ADRA1A: variants seen among roughly 807,000 people sequenced by gnomAD.
ADRA1A encodes adrenoceptor alpha 1A, also known as alpha-1A adrenergic receptor.
In ADRA1A, 31 loss-of-function variants were observed where a neutral mutation model predicts 29.6. That is an observed-to-expected ratio of 1.05 (90% CI 0.79 to 1.41). ADRA1A has a LOEUF of 1.41. Ranked by LOEUF, ADRA1A falls within the 40% of genes most tolerant of loss-of-function variation. ADRA1A has a pLI of 0.00. For synonymous variants in ADRA1A, 311 were observed against 254.3 expected (o/e 1.22, Z -2.12); for missense variants, 619 against 601.1 (o/e 1.03, Z -0.31).
chr8:26,761,351 G>A (rs1419543250), downstream of ADRA1A, among the ~76,000 whole-genome samples: 1 of 152,132 alleles, frequency 6.6e-6, no homozygotes, highest in Non-Finnish European at 1.5e-5. Flanking sequence ...GAGTGAGGAG[G>A]GAGTCCTTGT....
intron 2 of ADRA1A, among the ~76,000 whole-genome samples, chr8:26,820,582 C>T (rs1810092719): frequency 6.6e-6 from 1 of 152,138 alleles, no homozygotes; most frequent in Non-Finnish European, 1.5e-5. Flanking sequence ...TTCCCCATGA[C>T]ATAGACTGAG....
rs538186600 is a variant in ADRA1A, at chr8:26,805,497, C to T, written c.884-34831G>A. Among the ~76,000 whole-genome samples, 2 of 152,320 alleles carry T rather than the reference C, an allele frequency of 1.3e-5. No homozygotes were observed. Among genetic ancestry groups the T allele is most frequent in the South Asian group, 2.1e-4 (1 of 4,822 alleles). ...CTGCGTGTCCACTCTATGCCCAGTA[C>T]TTTCGAAACGCTTTCCATATATTAG... is the stretch of plus-strand genomic sequence containing the variant. On this transcript the variant is annotated intron_variant, in intron 2 of 2. Transcript: ENST00000380573. The surrounding 1 kb of genome is among the most constrained non-coding windows in gnomAD (Gnocchi z 4.8).
chr8:26,859,162 C>T (rs757750160), intron 2 of ADRA1A: 2 of 1,290,158 alleles, frequency 1.6e-6, no homozygotes, highest in Non-Finnish European at 2.0e-6. Context: ...AGACCGACAG[C>T]CCTTTTCTCC....
chr8:26,851,920 T>A (rs533398235), intron 2 of ADRA1A, among the ~76,000 whole-genome samples: 1 of 152,300 alleles, frequency 6.6e-6, no homozygotes, highest in Non-Finnish European at 1.5e-5. Context: ...CCACTATTAA[T>A]GTTTAGTTAA....
intron 2 of ADRA1A, among the ~76,000 whole-genome samples, chr8:26,781,979 G>A (rs1421201881): frequency 6.6e-6 from 1 of 152,194 alleles, no homozygotes; most frequent in Non-Finnish European, 1.5e-5. Flanking sequence ...TTTTGCTTCC[G>A]GACTGCTGCA....
chr8:26,780,424 G>T (rs181180972), intron 2 of ADRA1A, among the ~76,000 whole-genome samples: 1 of 152,242 alleles, frequency 6.6e-6, no homozygotes, highest in East Asian at 1.9e-4. Context: ...AGCTCCTGTG[G>T]CTGTTTTCTG....
At position 26,865,042 on chromosome 8, in the gene ADRA1A, G is replaced by C; in HGVS notation, c.-73C>G. ...CGGGCTGGCGCGGAGGCGGGAGCGC[G>C]GGAGCCGGGAATCAAAAGGTCTCGG... On this transcript the variant is annotated 5_prime_UTR_variant, in exon 2 of 3. Coordinates refer to ENST00000380573, the MANE Select transcript of ADRA1A (RefSeq NM_000680.4). The surrounding 1 kb of genome is among the most constrained non-coding windows in gnomAD (Gnocchi z 7.6). The C allele has an allele frequency of 4.6e-6, 7 of 1,518,284 alleles. No homozygotes were observed. The Admixed American group carries it at 1.0e-4, about 23-fold the overall frequency. The allele number at this position is 1,518,284 out of a possible 1,614,324, so 94.1% of individuals were successfully genotyped here.
At chr8:26,770,727 G>C in intron 2 of ADRA1A, 61 bp from the exon 3 acceptor site, 1 of 1,522,898 alleles carries the variant, frequency 6.6e-7, no homozygotes, top group Non-Finnish European at 8.8e-7. Flanking sequence ...AATTGGCTAG[G>C]AAAACAATCA....
At chr8:26,813,514 A>C (rs1042503812) in intron 2 of ADRA1A, among the ~76,000 whole-genome samples, 2 of 151,028 alleles carry the variant, frequency 1.3e-5, no homozygotes, top group African/African-American at 4.9e-5. Flanking sequence ...CCATCCATCC[A>C]TCCATCCATC....
At chr8:26,767,298 G>A (rs1805843347), downstream of ADRA1A, among the ~76,000 whole-genome samples, 1 of 152,144 alleles carries the variant, frequency 6.6e-6, no homozygotes, top group African/African-American at 2.4e-5. Context: ...CAGTAAACAT[G>A]TGAGTATAAA....
chr8:26,780,362 G>A (rs966093025), intron 2 of ADRA1A, among the ~76,000 whole-genome samples: 22 of 152,092 alleles, frequency 1.4e-4, no homozygotes, highest in Admixed American at 7.2e-4. Flanking sequence ...TCTTCCTGCC[G>A]CAGTAGACTT....
chr8:26,770,100 TG>T lies in ADRA1A; in HGVS notation c.*48del. On this transcript the variant is annotated 3_prime_UTR_variant, in exon 3 of 3. Coordinates refer to ENST00000380573, the MANE Select transcript of ADRA1A (RefSeq NM_000680.4). ...AAGAGCTGGCCTTCCGAGAAGGAAG[TG>T]GGGTGGGTACCTAAGATTATTCCCC... 5.3e-6 allele frequency: 8 copies of T among 1,514,230 alleles called. No individual in the cohort carries two copies. The highest frequency in any genetic ancestry group is 7.1e-6 in the Non-Finnish European group (8 of 1,132,238). 93.8% of individuals were successfully genotyped at this position (1,514,230 alleles called of 1,614,324 possible).
At position 26,775,958 on chromosome 8, in the gene ADRA1A, T is replaced by C. The variant is rs1299925106; in HGVS notation, c.884-5292A>G. ...GTCTTTCCACTGAATGCTATATCCA[T>C]TGGGAAAATCTGACTTCATTTTTGA... On this transcript the variant is annotated intron_variant, in intron 2 of 2. Coordinates refer to ENST00000380573, the MANE Select transcript of ADRA1A (RefSeq NM_000680.4). The surrounding 1 kb of genome is among the most constrained non-coding windows in gnomAD (Gnocchi z 4.1). 1.3e-5 allele frequency among the ~76,000 whole-genome samples: 2 copies of C among 152,206 alleles called. No homozygotes were observed. Among genetic ancestry groups the C allele is most frequent in the Non-Finnish European group, 2.9e-5 (2 of 68,032 alleles).
At chr8:26,854,473 G>A (rs544104) in intron 2 of ADRA1A, 35,621 of 149,004 alleles carry the variant, frequency 0.24, 4,705 homozygotes, top group Non-Finnish European at 0.3. Flanking sequence ...CATTCTGGGT[G>A]TAGTCAGTCC....
rs1173700751 is a variant in ADRA1A at position 26,860,160 on chromosome 8, A to C, written c.883+3927T>G. Among the ~76,000 whole-genome samples the C allele has an allele frequency of 6.6e-6, 1 of 151,726 alleles. No individual in the cohort carries two copies. Among genetic ancestry groups the C allele is most frequent in the Non-Finnish European group, 1.5e-5 (1 of 67,964 alleles). On this transcript the variant is annotated intron_variant, in intron 2 of 2. Coordinates refer to ENST00000380573, the MANE Select transcript of ADRA1A (RefSeq NM_000680.4). This position sits in a 1 kb window ranked among gnomAD's most constrained non-coding sequence, Gnocchi z 4.7. ...CAACATCTTCTCCTCCACACTGCTG[A>C]CTCCCTGGGAGAGCAAATCCAAGAG...
At chr8:26,751,432 T>G (rs1424395559), downstream of ADRA1A, among the ~76,000 whole-genome samples, 1 of 152,220 alleles carries the variant, frequency 6.6e-6, no homozygotes, top group Non-Finnish European at 1.5e-5. Context: ...GATTTGGCAT[T>G]AAGAGGCCTT....
chr8:26,788,447 A>C (rs1393871699), intron 2 of ADRA1A, among the ~76,000 whole-genome samples: 1 of 152,172 alleles, frequency 6.6e-6, no homozygotes, highest in Non-Finnish European at 1.5e-5. Flanking sequence ...GAGTTAGAGA[A>C]GTTTTTAAGT....
intron 2 of ADRA1A, among the ~76,000 whole-genome samples, chr8:26,844,126 T>C (rs904166558): frequency 6.6e-6 from 1 of 152,208 alleles, no homozygotes; most frequent in Non-Finnish European, 1.5e-5. Context: ...ATATGTTGTA[T>C]ATTGTATACT....
chr8:26,864,632 G>A lies in ADRA1A; in HGVS notation c.338C>T (p.Ser113Phe), dbSNP rs370082307. ...AAVDVLCCTA[S>F]IMGLCIISID... ...GGAGATGATGCAGAGGCCCATGATG[G>A]ACGCGGTGCAGCACAGCACATCCAC... is the stretch of plus-strand genomic sequence containing the variant. Residue 113 changes from serine to phenylalanine, a missense_variant, in exon 2 of 3, where the codon TCC (serine) becomes TTC (phenylalanine). Coordinates refer to ENST00000380573, the MANE Select transcript of ADRA1A (RefSeq NM_000680.4). This position sits in a 1 kb window ranked among gnomAD's most constrained non-coding sequence, Gnocchi z 8.1. 7.4e-6 allele frequency: 12 copies of A among 1,614,140 alleles called. No individual in the cohort carries two copies. The highest frequency in any genetic ancestry group is 1.6e-4 in the Middle Eastern group (1 of 6,062).
Sources: gnomAD v4.1 joint callset for allele counts (sites outside exome capture counted in the v4.1 genomes callset) on GRCh38, gnomAD v4.1.1 for gene constraint, Gnocchi (gnomAD v3.1) non-coding constraint, MANE v1.5 for transcripts, NCBI Gene and HGNC (gene_info 2026-07-23, HGNC 2026-07-21) for gene names.